The following MRPL1 variants were observed in gnomAD, a reference collection of about 807,000 sequenced individuals.
MRPL1 encodes large ribosomal subunit protein uL1m.
A neutral mutation model predicts 38.0 loss-of-function variants in MRPL1; 28 were observed. That is an observed-to-expected ratio of 0.74 (90% CI 0.55 to 1.01). MRPL1 has a LOEUF of 1.01. MRPL1 is among the 50% of genes least tolerant of loss of function. The pLI is 0.00. For synonymous variants in MRPL1, 123 were observed against 126.7 expected, an observed-to-expected ratio of 0.97 and a Z score of 0.20; for missense variants, 358 against 389.8, an observed-to-expected ratio of 0.92 and a Z score of 0.69.
At chr4:77,865,518 C>T (rs1483537245) in intron 1 of MRPL1, among the ~76,000 whole-genome samples, 1 of 151,282 alleles carries the variant, frequency 6.6e-6, no homozygotes, top group African/African-American at 2.4e-5. Flanking sequence ...ACCTCTGGGG[C>T]CCACTATGAC....
chr4:77,909,652 G>A (rs557008153), intron 7 of MRPL1, among the ~76,000 whole-genome samples: 2 of 152,100 alleles, frequency 1.3e-5, no homozygotes, highest in Admixed American at 6.5e-5. Flanking sequence ...TTGTATTTAT[G>A]TATTATATTT....
intron 7 of MRPL1, among the ~76,000 whole-genome samples, chr4:77,941,582 A>G (rs750857634): frequency 4.0e-5 from 6 of 151,672 alleles, no homozygotes; most frequent in South Asian, 2.1e-4. Flanking sequence ...CAGAGTTTCT[A>G]TTTCTTCCTG....
chr4:77,920,006 A>G (rs761115667), intron 7 of MRPL1, among the ~76,000 whole-genome samples: 46 of 152,150 alleles, frequency 3.0e-4, no homozygotes, highest in Non-Finnish European at 6.0e-4. Flanking sequence ...GGGGATTAAT[A>G]AAGTTAGGTA....
intron 6 of MRPL1, among the ~76,000 whole-genome samples, chr4:77,907,479 T>TCTCC (rs987722775): frequency 1.0e-4 from 15 of 143,698 alleles, no homozygotes; most frequent in South Asian, 6.7e-4. Context: ...TCTCTCTCTC[T>TCTCC]CTCCCTCCCT....
At chr4:77,944,785 A>G (rs1029871791) in intron 7 of MRPL1, among the ~76,000 whole-genome samples, 2 of 152,162 alleles carry the variant, frequency 1.3e-5, no homozygotes, top group Admixed American at 1.3e-4. Context: ...CCCTTAGTAT[A>G]CAACACGCTC....
chr4:77,877,152 G>A (rs1360476969), intron 2 of MRPL1, among the ~76,000 whole-genome samples: 1 of 152,096 alleles, frequency 6.6e-6, no homozygotes, highest in African/African-American at 2.4e-5. Flanking sequence ...CGCCTGCCTT[G>A]GCCTCCCAAA....
At chr4:77,939,142 C>T (rs1013211225) in intron 7 of MRPL1, among the ~76,000 whole-genome samples, 5 of 152,152 alleles carry the variant, frequency 3.3e-5, no homozygotes, top group African/African-American at 1.2e-4. Flanking sequence ...GCTTAGCTCC[C>T]TCTTATGAGT....
At chr4:77,897,060 C>T (rs1265646297) in intron 6 of MRPL1, among the ~76,000 whole-genome samples, 6 of 151,032 alleles carry the variant, frequency 4.0e-5, no homozygotes, top group African/African-American at 1.2e-4. Context: ...AAAACACTAG[C>T]GTGAAATATA....
chr4:77,943,618 G>C (rs1737185156), intron 7 of MRPL1, among the ~76,000 whole-genome samples: 1 of 151,848 alleles, frequency 6.6e-6, no homozygotes, highest in African/African-American at 2.4e-5. Flanking sequence ...CAAAAATCTT[G>C]TCTTCAAGCT....
In MRPL1 at chr4:77,952,742, A is replaced by C; in HGVS notation, c.*135A>C. On this transcript the variant is annotated 3_prime_UTR_variant, in exon 9 of 9. Transcript: ENST00000315567. ...GAACTTTAACATTGAAAAATCGTAC[A>C]GTCATTTCAAGAATAAGAAAATAAA... 1.7e-6 allele frequency: 1 copy of C among 604,054 alleles called. No individual in the cohort carries two copies. The highest frequency in any genetic ancestry group is 3.0e-5 in the East Asian group (1 of 33,642). The allele number at this position is 604,054 out of a possible 1,614,324, so 37.4% of individuals were successfully genotyped here. A position where few individuals can be genotyped will look rare whatever the true frequency, so the allele number is the denominator to read the frequency against.
At chr4:77,889,056 A>G (rs562703421) in intron 5 of MRPL1, among the ~76,000 whole-genome samples, 62 of 152,348 alleles carry the variant, frequency 4.1e-4, no homozygotes, top group Middle Eastern at 3.4e-3. Context: ...CACACTGTCA[A>G]CATTAGACAC....
At chr4:77,917,501 G>T (rs913801349) in intron 7 of MRPL1, among the ~76,000 whole-genome samples, 11 of 151,730 alleles carry the variant, frequency 7.2e-5, no homozygotes, top group African/African-American at 1.9e-4. Context: ...CTTATTTTTT[G>T]ACTTTTCTTA....
chr4:77,884,552 C>T (rs1735629697), intron 3 of MRPL1, among the ~76,000 whole-genome samples: 1 of 152,204 alleles, frequency 6.6e-6, no homozygotes, highest in Non-Finnish European at 1.5e-5. Context: ...GCCTCAAATG[C>T]ATGCCATTGT....
At chr4:77,926,107 G>A (rs185350841) in intron 7 of MRPL1, among the ~76,000 whole-genome samples, 150 of 152,272 alleles carry the variant, frequency 9.9e-4, no homozygotes, top group African/African-American at 3.2e-3. Context: ...GATACCTCTG[G>A]AACTGCATGT....
chr4:77,881,738 G>C (rs1314733131), intron 2 of MRPL1, among the ~76,000 whole-genome samples: 13 of 152,058 alleles, frequency 8.5e-5, no homozygotes. Flanking sequence ...CTCGTGCTTG[G>C]CCCAGTATTT....
At chr4:77,865,792 C>T (rs1260652966) in intron 1 of MRPL1, among the ~76,000 whole-genome samples, 2 of 152,180 alleles carry the variant, frequency 1.3e-5, no homozygotes, top group Admixed American at 6.5e-5. Context: ...CCACCTGCTA[C>T]CATCTCTCAC....
chr4:77,904,530 G>A (rs1453993876), intron 6 of MRPL1, among the ~76,000 whole-genome samples: 1 of 152,068 alleles, frequency 6.6e-6, no homozygotes, highest in Non-Finnish European at 1.5e-5. Context: ...CTCTAGCCTG[G>A]GTGATGGAGT....
intron 6 of MRPL1, among the ~76,000 whole-genome samples, chr4:77,901,991 G>A (rs1736045557): frequency 6.6e-6 from 1 of 152,110 alleles, no homozygotes; most frequent in Non-Finnish European, 1.5e-5. Flanking sequence ...TAAAAGAATT[G>A]AAGTGACACA....
chr4:77,945,410 A>C (rs1474113423), intron 7 of MRPL1, among the ~76,000 whole-genome samples: 1 of 152,034 alleles, frequency 6.6e-6, no homozygotes, highest in Non-Finnish European at 1.5e-5. Flanking sequence ...AAAGGTGATT[A>C]GTCATCTAGA....
Sources: gnomAD v4.1 joint callset for allele counts (sites outside exome capture counted in the v4.1 genomes callset) on GRCh38, gnomAD v4.1.1 for gene constraint, MANE v1.5 for transcripts, NCBI Gene and HGNC (gene_info 2026-07-23, HGNC 2026-07-21) for gene names.